Variants in SPRED1 observed in about 807,000 individuals in gnomAD.
SPRED1 encodes the protein sprouty related EVH1 domain containing 1, also known as sprouty-related, EVH1 domain-containing protein 1.
SPRED1 carries 18 observed loss-of-function variants against 52.3 expected under a neutral mutation model. The ratio of observed to expected loss-of-function variants is 0.34; its 90% CI spans 0.24 to 0.51. The LOEUF is 0.51. Among genes scored for constraint, SPRED1 ranks in the 20% least tolerant of loss-of-function variants. The probability of loss-of-function intolerance (pLI) is 0.97; values close to 1 mark genes in which losing one functional copy is unlikely to be tolerated. For synonymous variants in SPRED1, 155 were observed against 179.7 expected (o/e 0.86, Z 1.10); for missense variants, 485 against 551.0 (o/e 0.88, Z 1.20).
At position 38,310,150 on chromosome 15, in the gene SPRED1, TGTG is replaced by T. The variant is rs1566863231; in HGVS notation, c.207+10604_207+10606del. Among the ~76,000 whole-genome samples the T allele has an allele frequency of 9.0e-3, 1,276 of 141,966 alleles. 25 individuals carry two copies. Among genetic ancestry groups the T allele is most frequent in the African/African-American group, 0.031 (1,189 of 38,108 alleles). The allele number at this position is 141,966 out of a possible 152,430, so 93.1% of individuals were successfully genotyped here. A position where few individuals can be genotyped will look rare whatever the true frequency, so the allele number is the denominator to read the frequency against. On this transcript the variant is annotated intron_variant, in intron 2 of 6. Transcript: ENST00000299084. ...GTGTGTGTGTGTGTGTGTGTGTGTGTGTGTTTGGAGACGAAGTTTCGCTCTTGT... is the reference window on the plus strand; with the variant it reads ...GTGTGTGTGTGTGTGTGTGTGTGTGTTTTGGAGACGAAGTTTCGCTCTTGT...
At chr15:38,305,221 A>G (rs1895228241) in intron 2 of SPRED1, among the ~76,000 whole-genome samples, 1 of 152,088 alleles carries the variant, frequency 6.6e-6, no homozygotes, top group Non-Finnish European at 1.5e-5. Flanking sequence ...AATCCCAGCT[A>G]CTTAGGAGGC....
chr15:38,313,669 ACAAG>A (rs1413492254), intron 2 of SPRED1, among the ~76,000 whole-genome samples: 4 of 151,336 alleles, frequency 2.6e-5, no homozygotes, highest in African/African-American at 9.7e-5. Context: ...TATATTCTAA[ACAAG>A]CAAGCAAATG....
chr15:38,271,206 G>C (rs1340711780), intron 1 of SPRED1, among the ~76,000 whole-genome samples: 1 of 152,184 alleles, frequency 6.6e-6, no homozygotes, highest in Non-Finnish European at 1.5e-5. Flanking sequence ...TATGAAAATA[G>C]TGTTTAGACC....
chr15:38,306,406 A>G (rs1275938525), intron 2 of SPRED1, among the ~76,000 whole-genome samples: 2 of 152,202 alleles, frequency 1.3e-5, no homozygotes, highest in African/African-American at 2.4e-5. Context: ...ACTGTCATAG[A>G]TGGAAAAATA....
chr15:38,334,843 A>G (rs1047905235), intron 4 of SPRED1, among the ~76,000 whole-genome samples: 9 of 151,384 alleles, frequency 5.9e-5, no homozygotes, highest in Admixed American at 3.9e-4. Flanking sequence ...GTGTATCTGT[A>G]TATACAGTCA....
At chr15:38,317,352 G>C (rs1464249581) in intron 2 of SPRED1, among the ~76,000 whole-genome samples, 2 of 151,874 alleles carry the variant, frequency 1.3e-5, no homozygotes, top group Non-Finnish European at 2.9e-5. Context: ...AATTGCCATT[G>C]GTAATTAGTC....
intron 2 of SPRED1, among the ~76,000 whole-genome samples, chr15:38,313,944 A>G (rs973852100): frequency 7.9e-5 from 12 of 151,802 alleles, no homozygotes; most frequent in Non-Finnish European, 1.6e-4. Flanking sequence ...AGGGTTTTCT[A>G]ATTCTCATGC....
chr15:38,266,319 T>C (rs1032797821), intron 1 of SPRED1, among the ~76,000 whole-genome samples: 1 of 152,112 alleles, frequency 6.6e-6, no homozygotes, highest in South Asian at 2.1e-4. Flanking sequence ...TAGTAACAGT[T>C]AAGAACATAT....
At chr15:38,327,919 G>C (rs1307600031) in intron 4 of SPRED1, among the ~76,000 whole-genome samples, 2 of 152,160 alleles carry the variant, frequency 1.3e-5, no homozygotes, top group Admixed American at 1.3e-4. Context: ...AATTTTTTCA[G>C]AGTTACAACT....
intron 2 of SPRED1, among the ~76,000 whole-genome samples, chr15:38,314,453 A>G (rs1895430896): frequency 6.6e-6 from 1 of 151,888 alleles, no homozygotes; most frequent in Admixed American, 6.6e-5. Context: ...TCCCAATATT[A>G]TAATGTCAAG....
intron 3 of SPRED1, among the ~76,000 whole-genome samples, chr15:38,323,812 T>G (rs1383662389): frequency 6.6e-6 from 1 of 152,136 alleles, no homozygotes; most frequent in Non-Finnish European, 1.5e-5. Flanking sequence ...GCTGCTGGAA[T>G]TTATATGATT....
chr15:38,350,591 C>T (rs963358441), intron 6 of SPRED1, among the ~76,000 whole-genome samples: 1 of 152,140 alleles, frequency 6.6e-6, no homozygotes, highest in Non-Finnish European at 1.5e-5. Context: ...TAACCCATTC[C>T]AGCATCAACT....
intron 1 of SPRED1, among the ~76,000 whole-genome samples, chr15:38,264,234 C>G (rs923332400): frequency 6.6e-6 from 1 of 152,128 alleles, no homozygotes; most frequent in Non-Finnish European, 1.5e-5. Context: ...TAGTAACTTG[C>G]CATGGCCACG....
chr15:38,336,426 A>ATGTGTGTG (rs1298349053), intron 4 of SPRED1, among the ~76,000 whole-genome samples: 1 of 138,476 alleles, frequency 7.2e-6, no homozygotes, highest in Non-Finnish European at 1.5e-5. Context: ...GTGTGTGTAT[A>ATGTGTGTG]TATATATATA....
At chr15:38,293,822 A>G (rs948774528) in intron 1 of SPRED1, among the ~76,000 whole-genome samples, 2 of 152,110 alleles carry the variant, frequency 1.3e-5, no homozygotes, top group Non-Finnish European at 2.9e-5. Flanking sequence ...CTTAAATATG[A>G]TATACTTGTG....
At chr15:38,284,881 T>G (rs1407045434) in intron 1 of SPRED1, among the ~76,000 whole-genome samples, 1 of 151,934 alleles carries the variant, frequency 6.6e-6, no homozygotes, top group Non-Finnish European at 1.5e-5. Flanking sequence ...TAAACCTATT[T>G]GTGGGCCTTG....
chr15:38,262,382 G>A (rs72709667), intron 1 of SPRED1, among the ~76,000 whole-genome samples: 13,781 of 152,248 alleles, frequency 0.091, 752 homozygotes, highest in East Asian at 0.21. Flanking sequence ...GATTCTACCT[G>A]GGAGTTGGTG....
Position 38,305,203 on chromosome 15 carries a change from A to G in SPRED1, c.207+5656A>G, listed in dbSNP as rs557414781. 2.6e-5 allele frequency among the ~76,000 whole-genome samples: 4 copies of G among 152,136 alleles called. No homozygotes were observed. The South Asian group carries it at 8.3e-4, about 32-fold the overall frequency. On this transcript the variant is annotated intron_variant, in intron 2 of 6. Transcript: ENST00000299084. ...AAAAATTAGCTGGGCATGGGGGCAG[A>G]CACCTGTAATCCCAGCTACTTAGGA...
At chr15:38,339,977 A>G in intron 5 of SPRED1, 82 bp downstream of exon 5, 1 of 1,546,258 alleles carries the variant, frequency 6.5e-7, no homozygotes, top group Non-Finnish European at 8.9e-7. Context: ...CGTTAAAACC[A>G]TCTGCCCTTT....
Sources: allele counts gnomAD v4.1 joint callset (sites outside exome capture counted in the v4.1 genomes callset), GRCh38; gene constraint gnomAD v4.1.1; transcripts MANE v1.5; gene names NCBI Gene and HGNC (gene_info 2026-07-23, HGNC 2026-07-21).